The following MCPH1 variants were observed in gnomAD, a reference collection of about 807,000 sequenced individuals.
The protein encoded by MCPH1 is microcephalin 1, also known as microcephalin.
MCPH1 carries 104 observed loss-of-function variants against 84.5 expected under a neutral mutation model. That is an observed-to-expected ratio of 1.23 (90% CI 1.05 to 1.45). The LOEUF (loss-of-function observed/expected upper bound fraction) is 1.45, where lower values mean the gene tolerates loss of function less well. Among genes scored for constraint, MCPH1 ranks in the 40% most tolerant of loss-of-function variants. The pLI is 0.00. For missense variants in MCPH1, 1,498 were observed against 1,005.7 expected (o/e 1.49, Z -6.62); for synonymous variants, 514 against 366.8 (o/e 1.40, Z -4.58).
At chr8:6,527,349 A>T (rs1321773211) in intron 12 of MCPH1, among the ~76,000 whole-genome samples, 5 of 152,250 alleles carry the variant, frequency 3.3e-5, no homozygotes, top group Admixed American at 3.3e-4. Flanking sequence ...AGGGAATGAA[A>T]GGTAAAATCC....
Position 6,537,799 on chromosome 8 carries a change from A to G in MCPH1, c.2214+37870A>G, listed in dbSNP as rs183382921. 4.9e-3 allele frequency among the ~76,000 whole-genome samples: 745 copies of G among 152,284 alleles called. 12 individuals are homozygous for G. Among genetic ancestry groups the G allele is most frequent in the Non-Finnish European group, 4.7e-3 (319 of 68,026 alleles). On this transcript the variant is annotated intron_variant, in intron 12 of 13. Transcript: ENST00000344683. Reference sequence around the variant, plus strand: ...CTTGAAACTGGCTCAGTAAAGGAAAACATAGATAATATATGAAAACTATCC... The same window carrying G: ...CTTGAAACTGGCTCAGTAAAGGAAAGCATAGATAATATATGAAAACTATCC...
intron 12 of MCPH1, among the ~76,000 whole-genome samples, chr8:6,522,961 C>G (rs1400136563): frequency 6.6e-6 from 1 of 151,912 alleles, no homozygotes. Context: ...GTACTTAATA[C>G]ATAACAGTTA....
chr8:6,510,974 G>A (rs1383186904), intron 12 of MCPH1, among the ~76,000 whole-genome samples: 1 of 152,116 alleles, frequency 6.6e-6, no homozygotes, highest in East Asian at 1.9e-4. Context: ...ATCTCTGTTG[G>A]GATTTTGAAA....
At chr8:6,574,974 A>G (rs950080860) in intron 12 of MCPH1, among the ~76,000 whole-genome samples, 1 of 152,228 alleles carries the variant, frequency 6.6e-6, no homozygotes, top group Non-Finnish European at 1.5e-5. Flanking sequence ...ATAAAGCAGT[A>G]AGAGGGAAGT....
chr8:6,512,080 C>T (rs1483891967), intron 12 of MCPH1, among the ~76,000 whole-genome samples: 2 of 152,064 alleles, frequency 1.3e-5, no homozygotes, highest in South Asian at 4.2e-4. Context: ...TCTCATTCAT[C>T]TCGGTTGTTG....
intron 9 of MCPH1, among the ~76,000 whole-genome samples, chr8:6,472,861 C>G (rs1444865525): frequency 6.6e-6 from 1 of 152,080 alleles, no homozygotes; most frequent in Non-Finnish European, 1.5e-5. Flanking sequence ...ATACCTGATT[C>G]CAATAGGATC....
chr8:6,632,892 C>G (rs1178106737), intron 13 of MCPH1, among the ~76,000 whole-genome samples: 1 of 152,048 alleles, frequency 6.6e-6, no homozygotes, highest in African/African-American at 2.4e-5. Context: ...CACACACACA[C>G]ATAACCAAGT....
At chr8:6,576,588 A>T (rs1427870313) in intron 12 of MCPH1, among the ~76,000 whole-genome samples, 2 of 143,840 alleles carry the variant, frequency 1.4e-5, no homozygotes, top group East Asian at 4.2e-4. Context: ...AGTTCACTGC[A>T]ATCTCCACCT....
rs1442034861 is a variant in MCPH1 at position 6,442,059 on chromosome 8, G to T, written c.581-8G>T. ...TTATCTAATGCAGTGTCTTGGTCCT[G>T]TTTTTAGCTTCCCAAATGATTCAGC... On this transcript the variant is annotated splice_polypyrimidine_tract_variant and splice_region_variant and intron_variant, in intron 6 of 13. Transcript: ENST00000344683. The T allele has an allele frequency of 6.2e-7, 1 of 1,606,054 alleles. No individual in the cohort carries two copies. Among genetic ancestry groups the T allele is most frequent in the African/African-American group, 1.3e-5 (1 of 74,740 alleles).
At chr8:6,521,043 T>G in intron 12 of MCPH1, 1 of 644,570 alleles carries the variant, frequency 1.6e-6, no homozygotes, top group Non-Finnish European at 2.6e-6. Flanking sequence ...CTTCCTTCAT[T>G]TTAATTGGTA....
chr8:6,615,280 C>T (rs1354512669), intron 12 of MCPH1, among the ~76,000 whole-genome samples: 2 of 152,146 alleles, frequency 1.3e-5, no homozygotes, highest in East Asian at 3.9e-4. Context: ...CCCTCAATGC[C>T]CCAAGCCTAC....
At chr8:6,460,116 C>G (rs1806113939) in intron 9 of MCPH1, among the ~76,000 whole-genome samples, 1 of 151,506 alleles carries the variant, frequency 6.6e-6, no homozygotes, top group Non-Finnish European at 1.5e-5. Context: ...CTGGAAACTT[C>G]TCCACTGTGA....
chr8:6,601,083 G>C (rs2442561), intron 12 of MCPH1, among the ~76,000 whole-genome samples: 145,515 of 152,040 alleles, frequency 0.96, 69,959 homozygotes, highest in East Asian at 1. Context: ...CCTGCAGCCA[G>C]CACCTGGAGA....
intron 11 of MCPH1, among the ~76,000 whole-genome samples, 173 bp downstream of exon 11, chr8:6,481,049 C>T (rs1486498097): frequency 6.6e-6 from 1 of 152,320 alleles, no homozygotes; most frequent in Middle Eastern, 3.4e-3. Flanking sequence ...TGGGCTGCTA[C>T]CCTTCAACCA....
At chr8:6,535,878 C>G (rs1364639905) in intron 12 of MCPH1, among the ~76,000 whole-genome samples, 1 of 145,220 alleles carries the variant, frequency 6.9e-6, no homozygotes, top group Non-Finnish European at 1.5e-5. Flanking sequence ...TGAAACCCAT[C>G]TCTACAAAAA....
chr8:6,458,365 G>C (rs1331803340), intron 9 of MCPH1, among the ~76,000 whole-genome samples: 1 of 151,472 alleles, frequency 6.6e-6, no homozygotes, highest in Non-Finnish European at 1.5e-5. Context: ...CCAGCTCCTC[G>C]GAAGGCTGAG....
chr8:6,453,683 C>A (rs759017054), intron 8 of MCPH1, among the ~76,000 whole-genome samples: 8 of 152,080 alleles, frequency 5.3e-5, no homozygotes, highest in Non-Finnish European at 8.8e-5. Flanking sequence ...AAAATAAGTG[C>A]GTAGTAGATA....
intron 12 of MCPH1, among the ~76,000 whole-genome samples, chr8:6,596,987 T>C (rs1828978757): frequency 2.6e-5 from 4 of 152,106 alleles, no homozygotes; most frequent in South Asian, 4.1e-4. Flanking sequence ...GCGGAGAATC[T>C]AAAACCATCC....
At chr8:6,504,175 G>A (rs928201561) in intron 12 of MCPH1, among the ~76,000 whole-genome samples, 4 of 151,832 alleles carry the variant, frequency 2.6e-5, no homozygotes, top group South Asian at 2.1e-4. Flanking sequence ...AAAATTAGCC[G>A]GGCGTGGTGG....
Sources: allele counts gnomAD v4.1 joint callset (sites outside exome capture counted in the v4.1 genomes callset), GRCh38; gene constraint gnomAD v4.1.1; transcripts MANE v1.5; gene names NCBI Gene and HGNC (gene_info 2026-07-23, HGNC 2026-07-21).